CACNA2D4: variants seen among roughly 807,000 people sequenced by gnomAD.
CACNA2D4 encodes voltage-dependent calcium channel subunit alpha-2/delta-4.
Under a neutral mutation model 163.8 loss-of-function variants are expected in CACNA2D4, and 157 were observed. That is an observed-to-expected ratio of 0.96 (90% CI 0.84 to 1.09). The LOEUF (loss-of-function observed/expected upper bound fraction) is 1.09, where lower values mean the gene tolerates loss of function less well. Among genes scored for constraint, CACNA2D4 ranks in the 50% least tolerant of loss-of-function variants. The probability of loss-of-function intolerance (pLI) is 0.00; values close to 1 mark genes in which losing one functional copy is unlikely to be tolerated. For synonymous variants in CACNA2D4, 598 were observed against 586.9 expected (o/e 1.02, Z -0.27); for missense variants, 1,410 against 1,479.9 (o/e 0.95, Z 0.78).
Position 1,878,767 on chromosome 12 carries a change from G to A in CACNA2D4, c.1644+189C>T, listed in dbSNP as rs79575404. On this transcript the variant is annotated intron_variant, in intron 15 of 37. Coordinates refer to ENST00000382722, the MANE Select transcript of CACNA2D4 (RefSeq NM_172364.5). The surrounding 1 kb of genome is among the most constrained non-coding windows in gnomAD (Gnocchi z 4.6). ...AAGGCCACAGAGCAAGTCATAGTTCGTGGTGGGAAAGGGACCCAGGGGCAC... is the reference window on the plus strand; with the variant it reads ...AAGGCCACAGAGCAAGTCATAGTTCATGGTGGGAAAGGGACCCAGGGGCAC... Among the ~76,000 whole-genome samples the A allele has an allele frequency of 0.046, 7,019 of 152,244 alleles. 411 individuals are homozygous for A. The highest frequency in any genetic ancestry group is 0.13 in the African/African-American group (5,559 of 41,512).
chr12:1,903,357 T>C (rs1592746422), intron 6 of CACNA2D4, among the ~76,000 whole-genome samples: 1 of 151,950 alleles, frequency 6.6e-6, no homozygotes, highest in East Asian at 1.9e-4. Context: ...AAGCAAACAT[T>C]GATAAATGGG....
At chr12:1,873,715 C>T (rs1283947305) in intron 18 of CACNA2D4, among the ~76,000 whole-genome samples, 1 of 152,214 alleles carries the variant, frequency 6.6e-6, no homozygotes, top group African/African-American at 2.4e-5. Flanking sequence ...GAAGGAACAG[C>T]TGCCACTGGT....
rs1182378419 is a variant in CACNA2D4, at chr12:1,833,607, C to T, written c.2551+7132G>A. On this transcript the variant is annotated intron_variant, in intron 26 of 37. Transcript: ENST00000382722. The surrounding 1 kb of genome is among the most constrained non-coding windows in gnomAD (Gnocchi z 4.2). The stretch of plus-strand genomic sequence containing the variant: ...TACTTACAGGGCTGTGGTTGGGGCA[C>T]CGATGGGGCCATTGGATTGCTCCTA... Among the ~76,000 whole-genome samples, 1 of 152,182 alleles carries T rather than the reference C, an allele frequency of 6.6e-6. No individual in the cohort carries two copies. The highest frequency in any genetic ancestry group is 1.5e-5 in the Non-Finnish European group (1 of 68,040).
Position 1,917,320 on chromosome 12 carries a change from C to T in CACNA2D4, c.227+927G>A, listed in dbSNP as rs1354774974. On this transcript the variant is annotated intron_variant, in intron 1 of 37. Coordinates refer to ENST00000382722, the MANE Select transcript of CACNA2D4 (RefSeq NM_172364.5). This position sits in a 1 kb window ranked among gnomAD's most constrained non-coding sequence, Gnocchi z 4.3. Reference sequence around the variant, plus strand: ...AGGGAACAAGGAGAGCTATGCGGCTCGATGGGAAACGATGCTGCCTAATCC... The same window carrying T: ...AGGGAACAAGGAGAGCTATGCGGCTTGATGGGAAACGATGCTGCCTAATCC... Among the ~76,000 whole-genome samples, 4 of 152,182 alleles carry T rather than the reference C, an allele frequency of 2.6e-5. No homozygotes were observed. The highest frequency in any genetic ancestry group is 4.8e-5 in the African/African-American group (2 of 41,454).
chr12:1,916,812 TGAGAA>T (rs1210044065), intron 1 of CACNA2D4, among the ~76,000 whole-genome samples: 1 of 152,040 alleles, frequency 6.6e-6, no homozygotes, highest in African/African-American at 2.4e-5. Flanking sequence ...AGGGAAAGAC[TGAGAA>T]GAGAGGTTCG....
In CACNA2D4 at chr12:1,799,786, G is replaced by A; in HGVS notation, c.2975-91C>T. On this transcript the variant is annotated intron_variant, in intron 33 of 37. Transcript: ENST00000382722. This position sits in a 1 kb window ranked among gnomAD's most constrained non-coding sequence, Gnocchi z 4.7. ...CAGGATGTCATGGGGTGGTGATGAT[G>A]GCACATGGAGTGGCGGTGTCCCAAG... 2 of 1,474,492 alleles carry A rather than the reference G, an allele frequency of 1.4e-6. No homozygotes were observed. Among genetic ancestry groups the A allele is most frequent in the Non-Finnish European group, 1.9e-6 (2 of 1,077,860 alleles). The allele number at this position is 1,474,492 out of a possible 1,614,324, so 91.3% of individuals were successfully genotyped here. A position where few individuals can be genotyped will look rare whatever the true frequency, so the allele number is the denominator to read the frequency against.
rs565399925 is a variant in CACNA2D4, at chr12:1,917,673, C to T, written c.227+574G>A. Among the ~76,000 whole-genome samples the T allele has an allele frequency of 2.0e-5, 3 of 152,240 alleles. No individual in the cohort carries two copies. Among genetic ancestry groups the T allele is most frequent in the East Asian group, 3.9e-4 (2 of 5,188 alleles). ...CTTTCCTGGAGCCGGTCTTAATGGC[C>T]GGCTAGAGAATCAAGGTTGGAAGGA... On this transcript the variant is annotated intron_variant, in intron 1 of 37. Transcript: ENST00000382722. The surrounding 1 kb of genome is among the most constrained non-coding windows in gnomAD (Gnocchi z 4.3).
At chr12:1,912,942 C>A in intron 3 of CACNA2D4, 81 bp downstream of exon 3, 1 of 822,500 alleles carries the variant, frequency 1.2e-6, no homozygotes, top group Non-Finnish European at 2.1e-6. Context: ...GGATGCAGGG[C>A]CATGACATCG....
rs1302922323 is a variant in CACNA2D4, at chr12:1,829,567, A to G, written c.2551+11172T>C. Reference sequence around the variant, plus strand: ...ACGTGTCAGCTCTCAGCTGTCATCGATCCTCCAGGCAGGGAAGGGGAGAGT... The same window carrying G: ...ACGTGTCAGCTCTCAGCTGTCATCGGTCCTCCAGGCAGGGAAGGGGAGAGT... On this transcript the variant is annotated intron_variant, in intron 26 of 37. Coordinates refer to ENST00000382722, the MANE Select transcript of CACNA2D4 (RefSeq NM_172364.5). The surrounding 1 kb of genome is among the most constrained non-coding windows in gnomAD (Gnocchi z 4.2). Among the ~76,000 whole-genome samples, 3 of 151,976 alleles carry G rather than the reference A, an allele frequency of 2.0e-5. No homozygotes were observed. The highest frequency in any genetic ancestry group is 4.4e-5 in the Non-Finnish European group (3 of 67,986).
intron 26 of CACNA2D4, chr12:1,831,131 C>T (rs368418051): frequency 2.5e-5 from 41 of 1,613,876 alleles, no homozygotes; most frequent in South Asian, 5.5e-5. Context: ...GCTGGGCTTT[C>T]GCCAACCTCT....
At chr12:1,890,943 G>A (rs1386037307) in intron 6 of CACNA2D4, among the ~76,000 whole-genome samples, 2 of 152,162 alleles carry the variant, frequency 1.3e-5, no homozygotes, top group Non-Finnish European at 2.9e-5. Context: ...GAACTGCCCA[G>A]CTCACTGCAG....
chr12:1,907,448 A>G lies in CACNA2D4; in HGVS notation c.773T>C (p.Ile258Thr). The change falls in exon 6 of 38, where the codon ATC (isoleucine) becomes ACC (threonine). Residue 258 changes from isoleucine (I) to threonine (T), a missense_variant. Physicochemically the swap from Ile to Thr is moderately conservative, Grantham distance 89 (BLOSUM62 -1). Transcript: ENST00000382722. ...YFGSATGFFR[I>T]YPGIKWTPDE... ...CAACTCCATGTCCTTACCTGGATAG[A>G]TCCTGAAGAATCCAGTTGCACTGCC... is the stretch of plus-strand genomic sequence containing the variant. 1 of 1,613,912 alleles carries G rather than the reference A, an allele frequency of 6.2e-7. No individual in the cohort carries two copies. Among genetic ancestry groups the G allele is most frequent in the Non-Finnish European group, 8.5e-7 (1 of 1,179,844 alleles).
In CACNA2D4 at chr12:1,879,807, T is replaced by C; in HGVS notation, c.1560A>G (p.Glu520=). 1 of 1,598,432 alleles carries C rather than the reference T, an allele frequency of 6.3e-7. No individual in the cohort carries two copies. Among genetic ancestry groups the C allele is most frequent in the Non-Finnish European group, 8.5e-7 (1 of 1,172,372 alleles). Residue 520 remains glutamate (E), a synonymous_variant, in exon 14 of 38, where the codon GAA becomes GAG. Coordinates refer to ENST00000382722, the MANE Select transcript of CACNA2D4 (RefSeq NM_172364.5). ...GTCTCCAGGAGCGGCCACTCACCGT[T>C]TCGTTCTTCTTGCTGAAGACTGGCA... ...VAMPVFSKKN[E]TRSHGILLGV... is the part of the protein sequence containing the mutation.
intron 26 of CACNA2D4, among the ~76,000 whole-genome samples, chr12:1,819,654 G>A (rs1208474896): frequency 6.6e-6 from 1 of 152,174 alleles, no homozygotes; most frequent in Non-Finnish European, 1.5e-5. Context: ...CTTCAGATCA[G>A]CCACTTCCCA....
Position 1,797,446 on chromosome 12 carries a change from C to T in CACNA2D4, c.3085G>A (p.Gly1029Arg), listed in dbSNP as rs1371561669. 4.5e-6 allele frequency: 7 copies of T among 1,571,070 alleles called. No homozygotes were observed. The highest frequency in any genetic ancestry group is 1.8e-5 in the Admixed American group (1 of 55,498). Residue 1029 changes from glycine (G) to arginine (R), a missense_variant, in exon 35 of 38, where the codon GGG (glycine) becomes AGG (arginine). By Grantham distance (125) the Gly-to-Arg change is moderately radical. Transcript: ENST00000382722. The stretch of plus-strand genomic sequence containing the variant: ...TGGCAGGGCCCGCACTCCACGATCC[C>T]GTTGGCCTCCCGGATGGCCGGCTGG... ...VYQPAIREAN[G>R]IVECGPCQKV...
intron 6 of CACNA2D4, among the ~76,000 whole-genome samples, chr12:1,898,436 C>T (rs1242940864): frequency 1.3e-5 from 2 of 152,058 alleles, no homozygotes; most frequent in Admixed American, 6.6e-5. Context: ...ACAGATATTT[C>T]TCAAAGATGA....
intron 18 of CACNA2D4, among the ~76,000 whole-genome samples, chr12:1,866,780 C>A (rs1306139412): frequency 7.3e-6 from 1 of 136,772 alleles, no homozygotes; most frequent in Non-Finnish European, 1.6e-5. Context: ...GCCACCACAC[C>A]TGGCTAATTT....
At chr12:1,819,395 G>A (rs760125074) in intron 26 of CACNA2D4, among the ~76,000 whole-genome samples, 1 of 152,144 alleles carries the variant, frequency 6.6e-6, no homozygotes, top group Non-Finnish European at 1.5e-5. Flanking sequence ...AGAAGGGAGT[G>A]AGCAGGAGCA....
At chr12:1,795,037 A>G in intron 37 of CACNA2D4, 1 of 575,284 alleles carries the variant, frequency 1.7e-6, no homozygotes, top group Non-Finnish European at 3.1e-6. Flanking sequence ...CACTATAACA[A>G]AAGATGCACC....
Sources: allele counts gnomAD v4.1 joint callset (sites outside exome capture counted in the v4.1 genomes callset), GRCh38; gene constraint gnomAD v4.1.1; non-coding constraint Gnocchi (gnomAD v3.1); transcripts MANE v1.5; gene names NCBI Gene and HGNC (gene_info 2026-07-23, HGNC 2026-07-21).